The following HS3ST4 variants were observed in gnomAD, a reference collection of about 807,000 sequenced individuals.
HS3ST4 encodes heparan sulfate-glucosamine 3-sulfotransferase 4.
A neutral mutation model predicts 29.2 loss-of-function variants in HS3ST4; 17 were observed. That is an observed-to-expected ratio of 0.58 (90% CI 0.40 to 0.87). The LOEUF (loss-of-function observed/expected upper bound fraction) is 0.87, where lower values mean the gene tolerates loss of function less well. HS3ST4 is among the 40% of genes least tolerant of loss of function. The probability of loss-of-function intolerance (pLI) is 0.00; values close to 1 mark genes in which losing one functional copy is unlikely to be tolerated. For synonymous variants in HS3ST4, 314 were observed against 285.7 expected (o/e 1.10, Z -1.00); for missense variants, 627 against 634.5 (o/e 0.99, Z 0.13).
intron 1 of HS3ST4, among the ~76,000 whole-genome samples, chr16:25,801,864 C>A (rs956686275): frequency 6.6e-6 from 1 of 151,354 alleles, no homozygotes; most frequent in African/African-American, 2.4e-5. Flanking sequence ...ATTTAATTTC[C>A]TTTATATTTT....
At chr16:26,011,882 T>G (rs928353282) in intron 1 of HS3ST4, among the ~76,000 whole-genome samples, 17 of 152,132 alleles carry the variant, frequency 1.1e-4, no homozygotes, top group African/African-American at 4.1e-4. Flanking sequence ...AATGAGGATA[T>G]GAAGTCTACA....
chr16:25,925,815 A>G (rs1968396393), intron 1 of HS3ST4, among the ~76,000 whole-genome samples: 1 of 152,140 alleles, frequency 6.6e-6, no homozygotes, highest in Non-Finnish European at 1.5e-5. Flanking sequence ...TGTTCCTGGA[A>G]AGCCCCATGC....
chr16:25,849,927 A>T (rs140910236), intron 1 of HS3ST4, among the ~76,000 whole-genome samples: 2 of 151,032 alleles, frequency 1.3e-5, no homozygotes, highest in Non-Finnish European at 3.0e-5. Flanking sequence ...ATTTAATTTT[A>T]TTCTCTTTTC....
chr16:25,976,795 G>T (rs1197622561), intron 1 of HS3ST4, among the ~76,000 whole-genome samples: 11 of 152,158 alleles, frequency 7.2e-5, no homozygotes. Flanking sequence ...GGCTTTGACG[G>T]CTACACAGCT....
At chr16:26,000,360 C>T (rs1349369368) in intron 1 of HS3ST4, among the ~76,000 whole-genome samples, 1 of 152,138 alleles carries the variant, frequency 6.6e-6, no homozygotes, top group South Asian at 2.1e-4. Flanking sequence ...CCTTCCTCCA[C>T]AGATTCAAAT....
intron 1 of HS3ST4, among the ~76,000 whole-genome samples, chr16:25,993,546 C>T (rs750752839): frequency 2.0e-5 from 3 of 151,914 alleles, no homozygotes; most frequent in Non-Finnish European, 4.4e-5. Flanking sequence ...TATCTAAGCT[C>T]CACTTTTACT....
At chr16:25,884,754 T>C (rs1175370959) in intron 1 of HS3ST4, among the ~76,000 whole-genome samples, 1 of 152,134 alleles carries the variant, frequency 6.6e-6, no homozygotes, top group Non-Finnish European at 1.5e-5. Context: ...TCAATAGTGA[T>C]GGGGTTTCGC....
At chr16:25,869,597 A>G (rs34374138) in intron 1 of HS3ST4, among the ~76,000 whole-genome samples, 37,800 of 151,944 alleles carry the variant, frequency 0.25, 5,332 homozygotes, top group Non-Finnish European at 0.33. Context: ...GACAGACATC[A>G]AATGTCTGCA....
intron 1 of HS3ST4, among the ~76,000 whole-genome samples, chr16:25,795,027 A>C (rs1966879823): frequency 6.8e-6 from 1 of 147,834 alleles, no homozygotes. Context: ...GCAGGAGTGC[A>C]ATGGCACAAT....
chr16:25,789,485 TTTCC>T (rs1377810100), intron 1 of HS3ST4, among the ~76,000 whole-genome samples: 2 of 145,440 alleles, frequency 1.4e-5, no homozygotes, highest in South Asian at 2.2e-4. Context: ...TTTCTTTCTC[TTTCC>T]TTCTTTCTTT....
chr16:25,963,157 C>T (rs1229099397), intron 1 of HS3ST4, among the ~76,000 whole-genome samples: 3 of 152,134 alleles, frequency 2.0e-5, no homozygotes, highest in Non-Finnish European at 2.9e-5. Flanking sequence ...ACATCATCCC[C>T]GTATCCCAAA....
At chr16:25,779,506 C>T (rs1163212238) in intron 1 of HS3ST4, among the ~76,000 whole-genome samples, 1 of 152,154 alleles carries the variant, frequency 6.6e-6, no homozygotes, top group Non-Finnish European at 1.5e-5. Context: ...AACCAATTAG[C>T]ATTAAACTAA....
intron 1 of HS3ST4, among the ~76,000 whole-genome samples, chr16:25,802,203 A>G (rs1966945748): frequency 6.6e-6 from 1 of 152,142 alleles, no homozygotes; most frequent in Non-Finnish European, 1.5e-5. Flanking sequence ...AGGAATGTTT[A>G]TTTAGATTTA....
intron 1 of HS3ST4, among the ~76,000 whole-genome samples, chr16:26,041,126 C>T (rs1320950851): frequency 6.6e-6 from 1 of 152,096 alleles, no homozygotes; most frequent in Non-Finnish European, 1.5e-5. Flanking sequence ...TCACTTGAGA[C>T]CAGGAGTTTG....
At chr16:25,857,926 T>TTCTTTCTTTC (rs1319738451) in intron 1 of HS3ST4, among the ~76,000 whole-genome samples, 15 of 47,740 alleles carry the variant, frequency 3.1e-4, no homozygotes, top group African/African-American at 1.7e-3. Flanking sequence ...CTTCCTTTCT[T>TTCTTTCTTTC]TCTTTCTTTC....
chr16:25,918,391 G>A (rs1485292246), intron 1 of HS3ST4, among the ~76,000 whole-genome samples: 2 of 152,192 alleles, frequency 1.3e-5, no homozygotes, highest in Non-Finnish European at 2.9e-5. Flanking sequence ...GGTCTCAAGC[G>A]ATGAATACTG....
chr16:25,940,660 G>A (rs1408379932), intron 1 of HS3ST4, among the ~76,000 whole-genome samples: 1 of 152,202 alleles, frequency 6.6e-6, no homozygotes, highest in Admixed American at 6.5e-5. Flanking sequence ...AGATTTGCAA[G>A]AACTATGCAC....
chr16:26,104,127 G>A (rs1217603087), intron 1 of HS3ST4, among the ~76,000 whole-genome samples: 1 of 152,170 alleles, frequency 6.6e-6, no homozygotes, highest in Non-Finnish European at 1.5e-5. Context: ...AGAGAAGTGG[G>A]TTTAGATAAA....
chr16:25,880,275 C>T (rs574062956), intron 1 of HS3ST4, among the ~76,000 whole-genome samples: 1 of 152,186 alleles, frequency 6.6e-6, no homozygotes, highest in South Asian at 2.1e-4. Flanking sequence ...ATTCTAAGTT[C>T]CATTTGGCCA....
Sources: gnomAD v4.1 joint callset for allele counts (sites outside exome capture counted in the v4.1 genomes callset) on GRCh38, gnomAD v4.1.1 for gene constraint, MANE v1.5 for transcripts, NCBI Gene and HGNC (gene_info 2026-07-23, HGNC 2026-07-21) for gene names.